The following NUBPL variants were observed in gnomAD, a reference collection of about 807,000 sequenced individuals.
The protein encoded by NUBPL is iron-sulfur cluster transfer protein NUBPL.
In NUBPL, 31 loss-of-function variants were observed where a neutral mutation model predicts 45.7. The observed-to-expected ratio is 0.68, with a 90% CI of 0.51 to 0.92. The LOEUF is 0.92. Among genes scored for constraint, NUBPL ranks in the 40% least tolerant of loss-of-function variants. The pLI is 0.00. For missense variants in NUBPL, 401 were observed against 398.7 expected (o/e 1.01, Z -0.05); for synonymous variants, 144 against 140.9 (o/e 1.02, Z -0.15).
intron 6 of NUBPL, among the ~76,000 whole-genome samples, chr14:31,712,423 G>A (rs888029260): frequency 7.9e-5 from 12 of 152,232 alleles, no homozygotes; most frequent in African/African-American, 2.7e-4. Context: ...GGCTGGTTGC[G>A]CCCAGTGCGG....
intron 7 of NUBPL, among the ~76,000 whole-genome samples, chr14:31,817,854 A>T (rs1029235110): frequency 1.3e-5 from 2 of 152,242 alleles, no homozygotes; most frequent in African/African-American, 4.8e-5. Context: ...CAATTAAAAG[A>T]TGCAGACTGT....
intron 3 of NUBPL, among the ~76,000 whole-genome samples, chr14:31,584,286 G>A (rs544996770): frequency 1.3e-5 from 2 of 151,998 alleles, no homozygotes; most frequent in East Asian, 1.9e-4. Context: ...CACCACTCCC[G>A]GCTGATTTTT....
At chr14:31,787,999 C>T in intron 7 of NUBPL, 126 bp downstream of exon 7, 1 of 659,130 alleles carries the variant, frequency 1.5e-6, no homozygotes, top group Non-Finnish European at 2.7e-6. Context: ...ATAAATTTTT[C>T]ATTAGAGATC....
chr14:31,573,863 T>C (rs145989786), intron 3 of NUBPL, among the ~76,000 whole-genome samples: 78 of 152,346 alleles, frequency 5.1e-4, no homozygotes, highest in Middle Eastern at 6.8e-3. Flanking sequence ...TCTGTGAATA[T>C]TTAGGGGACA....
rs76401646 is a variant in NUBPL, at chr14:31,826,648, G to A, written c.627G>A (p.Thr209=). Residue 209 remains threonine, a synonymous_variant, in exon 8 of 11, where the codon ACG becomes ACA. Transcript: ENST00000281081. The part of the protein sequence containing the change: ...IPITGAVIVS[T]PQDIALMDAH... ...GGCTAGGTGCTGTGATTGTCTCCAC[G>A]CCCCAGGACATCGCATTGATGGATG... 7.9e-5 allele frequency: 128 copies of A among 1,614,048 alleles called. No homozygotes were observed. In the African/African-American group the frequency reaches 1.6e-3, roughly 20 times the overall value.
At chr14:31,760,234 A>G (rs903780131) in intron 6 of NUBPL, among the ~76,000 whole-genome samples, 7 of 150,802 alleles carry the variant, frequency 4.6e-5, no homozygotes, top group African/African-American at 1.7e-4. Context: ...GTCATGGCTT[A>G]CTGCAGCCAT....
At chr14:31,709,843 A>G (rs558829523) in intron 6 of NUBPL, among the ~76,000 whole-genome samples, 1 of 152,240 alleles carries the variant, frequency 6.6e-6, no homozygotes, top group Non-Finnish European at 1.5e-5. Context: ...CCTTCTGGGC[A>G]GGGGAGATTA....
At chr14:31,694,762 C>A (rs1313408827) in intron 6 of NUBPL, among the ~76,000 whole-genome samples, 1 of 152,220 alleles carries the variant, frequency 6.6e-6, no homozygotes, top group Admixed American at 6.5e-5. Flanking sequence ...GATCTGCCCG[C>A]CTCGGCCTTT....
chr14:31,834,782 T>C (rs902534366), intron 8 of NUBPL, among the ~76,000 whole-genome samples: 1 of 152,072 alleles, frequency 6.6e-6, no homozygotes, highest in African/African-American at 2.4e-5. Context: ...GGAAATGTGG[T>C]TGAGAGAGGT....
intron 7 of NUBPL, among the ~76,000 whole-genome samples, chr14:31,793,139 C>T (rs2039412871): frequency 6.6e-6 from 1 of 152,124 alleles, no homozygotes; most frequent in African/African-American, 2.4e-5. Context: ...TCTTTAGATT[C>T]TCATTTGAAT....
At chr14:31,828,495 C>A (rs1360959676) in intron 8 of NUBPL, among the ~76,000 whole-genome samples, 1 of 152,164 alleles carries the variant, frequency 6.6e-6, no homozygotes, top group Non-Finnish European at 1.5e-5. Context: ...TGCTTAACTT[C>A]TCATTCTGTA....
chr14:31,565,262 C>T (rs2033406351), intron 3 of NUBPL, among the ~76,000 whole-genome samples: 1 of 152,014 alleles, frequency 6.6e-6, no homozygotes, highest in South Asian at 2.1e-4. Context: ...TGCTATATAT[C>T]CCACAAGAGG....
chr14:31,833,830 T>A (rs1388717167), intron 8 of NUBPL, among the ~76,000 whole-genome samples: 1 of 152,224 alleles, frequency 6.6e-6, no homozygotes, highest in African/African-American at 2.4e-5. Context: ...ATACACATAC[T>A]TCTGCGCACA....
intron 3 of NUBPL, among the ~76,000 whole-genome samples, chr14:31,567,298 G>A (rs1049872968): frequency 1.3e-5 from 2 of 152,118 alleles, no homozygotes; most frequent in Non-Finnish European, 2.9e-5. Flanking sequence ...ACAAACATGC[G>A]TCTAGTTATT....
chr14:31,656,927 T>C (rs2036154800), intron 4 of NUBPL, among the ~76,000 whole-genome samples: 1 of 152,204 alleles, frequency 6.6e-6, no homozygotes, highest in Non-Finnish European at 1.5e-5. Context: ...AAAGTATGCC[T>C]GTAGAAGGCA....
At chr14:31,754,696 A>AT (rs528403331) in intron 6 of NUBPL, among the ~76,000 whole-genome samples, 15 of 136,358 alleles carry the variant, frequency 1.1e-4, no homozygotes, top group Non-Finnish European at 1.1e-4. Context: ...CAAAAAAAAA[A>AT]TTTTTTTTAT....
At chr14:31,798,512 G>T (rs1185745766) in intron 7 of NUBPL, among the ~76,000 whole-genome samples, 1 of 151,570 alleles carries the variant, frequency 6.6e-6, no homozygotes, top group African/African-American at 2.4e-5. Flanking sequence ...TCTTATTTAT[G>T]CCAGGTGCGG....
intron 7 of NUBPL, among the ~76,000 whole-genome samples, chr14:31,823,855 C>A (rs564565130): frequency 6.6e-6 from 1 of 152,096 alleles, no homozygotes; most frequent in South Asian, 2.1e-4. Context: ...GTGGCAAATT[C>A]TGGAAATGTA....
intron 4 of NUBPL, among the ~76,000 whole-genome samples, chr14:31,672,021 G>A (rs1158417072): frequency 6.6e-6 from 1 of 152,206 alleles, no homozygotes; most frequent in Non-Finnish European, 1.5e-5. Flanking sequence ...GAAAGCAAGA[G>A]TGAGTGGGAA....
Sources: allele counts gnomAD v4.1 joint callset (sites outside exome capture counted in the v4.1 genomes callset), GRCh38; gene constraint gnomAD v4.1.1; transcripts MANE v1.5; gene names NCBI Gene and HGNC (gene_info 2026-07-23, HGNC 2026-07-21).